Variants in ZFAT observed in about 807,000 individuals in gnomAD.
ZFAT encodes the protein zinc finger protein ZFAT.
In ZFAT, 64 loss-of-function variants were observed where a neutral mutation model predicts 117.7. The observed-to-expected ratio is 0.54, with a 90% confidence interval of 0.44 to 0.67. The LOEUF (loss-of-function observed/expected upper bound fraction) is 0.67. Among genes scored for constraint, ZFAT ranks in the 30% least tolerant of loss-of-function variants. ZFAT has a pLI of 0.00. For synonymous variants in ZFAT, 679 were observed against 615.0 expected (o/e 1.10, Z -1.54); for missense variants, 1,433 against 1,584.5 (o/e 0.90, Z 1.62).
At chr8:134,820,880 T>G in the ZFAT span, among the ~76,000 whole-genome samples, 2 of 152,200 alleles carry the variant, frequency 1.3e-5, no homozygotes, top group South Asian at 4.1e-4. Flanking sequence ...AACACAAGGA[T>G]AGAGACTGTA....
the ZFAT span, among the ~76,000 whole-genome samples, chr8:134,739,025 C>A: frequency 5.9e-5 from 9 of 152,166 alleles, no homozygotes; most frequent in African/African-American, 9.7e-5. Flanking sequence ...TGGCATAGGA[C>A]TCCAGGTGAC....
chr8:134,646,508 AAAG>A (rs1174715509), intron 2 of ZFAT, among the ~76,000 whole-genome samples: 5 of 152,132 alleles, frequency 3.3e-5, no homozygotes, highest in Non-Finnish European at 7.4e-5. Flanking sequence ...GGAATTAGAC[AAAG>A]AAGAATAAAT....
the ZFAT span, among the ~76,000 whole-genome samples, chr8:134,787,803 TA>T: frequency 0.31 from 47,174 of 150,544 alleles, 7,847 homozygotes; most frequent in African/African-American, 0.38. Flanking sequence ...TATTTAGAAT[TA>T]AAAAAAAAAT....
chr8:134,640,342 G>A (rs146172499), intron 2 of ZFAT, among the ~76,000 whole-genome samples: 82 of 152,302 alleles, frequency 5.4e-4, no homozygotes, highest in South Asian at 5.2e-3. Flanking sequence ...AGACTTGGTC[G>A]TCTTGCGGAG....
In ZFAT at chr8:134,615,822, C is replaced by T. The variant is rs544498532; in HGVS notation, c.449-5167G>A. Among the ~76,000 whole-genome samples, 20 of 152,350 alleles carry T rather than the reference C, an allele frequency of 1.3e-4. No homozygotes were observed. The East Asian group carries it at 3.5e-3, about 26-fold the overall frequency. On this transcript the variant is annotated intron_variant, in intron 3 of 15. Transcript: ENST00000377838. ...AAGCTTCAACACTAAACTTTCCAAC[C>T]GATTCAGGCACCATGGTGCCAGGCA...
chr8:134,638,672 A>G (rs945593728), intron 2 of ZFAT, among the ~76,000 whole-genome samples: 3 of 151,586 alleles, frequency 2.0e-5, no homozygotes, highest in African/African-American at 7.3e-5. Flanking sequence ...AGCTTGTAGT[A>G]AGCTGAGATC....
At chr8:134,656,219 C>G (rs373323188) in intron 2 of ZFAT, among the ~76,000 whole-genome samples, 13 of 152,162 alleles carry the variant, frequency 8.5e-5, no homozygotes, top group African/African-American at 2.9e-4. Context: ...GCAAACTTTC[C>G]TCCTCTACCC....
rs117818462 is a variant in ZFAT at position 134,482,675 on chromosome 8, T to C, written c.3493-3954A>G. On this transcript the variant is annotated intron_variant, in intron 15 of 15. Transcript: ENST00000377838. ...CAGGGTTTGTCCAACAGAATCCCCATGAAATTCATCCACTGCTAATTATCA... is the reference window on the plus strand; with the variant it reads ...CAGGGTTTGTCCAACAGAATCCCCACGAAATTCATCCACTGCTAATTATCA... 2.6e-4 allele frequency among the ~76,000 whole-genome samples: 39 copies of C among 152,354 alleles called. No homozygotes were observed. The East Asian group carries it at 7.3e-3, about 29-fold the overall frequency.
At chr8:134,748,995 A>C in the ZFAT span, among the ~76,000 whole-genome samples, 1 of 152,140 alleles carries the variant, frequency 6.6e-6, no homozygotes, top group Non-Finnish European at 1.5e-5. Flanking sequence ...AAAAGAAAAA[A>C]AAGTGCAGCC....
the ZFAT span, among the ~76,000 whole-genome samples, chr8:134,807,494 T>TA: frequency 4.4e-4 from 67 of 152,304 alleles, no homozygotes; most frequent in African/African-American, 1.6e-3. Context: ...TCGCATCCCT[T>TA]AAATCTATTA....
rs954469728 is a variant in ZFAT, at chr8:134,541,198, G to T, written c.2977-8226C>A. ...ATGTAGTATTACTGAGTATTGAGGG[G>T]TATTGAGAGTTTGGGCATTTAAGAC... On this transcript the variant is annotated intron_variant, in intron 11 of 15. Coordinates refer to ENST00000377838, the MANE Select transcript of ZFAT (RefSeq NM_020863.4). 2.0e-5 allele frequency among the ~76,000 whole-genome samples: 3 copies of T among 152,312 alleles called. No individual in the cohort carries two copies. The South Asian group carries it at 6.2e-4, about 32-fold the overall frequency.
intron 1 of ZFAT, among the ~76,000 whole-genome samples, chr8:134,688,453 A>G (rs1296911484): frequency 2.6e-5 from 4 of 152,226 alleles, no homozygotes; most frequent in Non-Finnish European, 5.9e-5. Flanking sequence ...GACAATATAA[A>G]CAACACAGCA....
the ZFAT span, among the ~76,000 whole-genome samples, chr8:134,787,685 T>C: frequency 1.3e-5 from 2 of 152,326 alleles, no homozygotes; most frequent in East Asian, 3.9e-4. Flanking sequence ...ATTTCTTCAG[T>C]TTGTTAATTT....
chr8:134,697,403 C>T (rs547416811), intron 1 of ZFAT, among the ~76,000 whole-genome samples: 25 of 150,940 alleles, frequency 1.7e-4, no homozygotes, highest in Admixed American at 1.3e-3. Context: ...TGAGCCACCG[C>T]GCCCACCTTT....
the ZFAT span, among the ~76,000 whole-genome samples, chr8:134,810,975 C>T: frequency 2.0e-5 from 3 of 151,242 alleles, no homozygotes; most frequent in African/African-American, 4.9e-5. Flanking sequence ...CTGAGTCACT[C>T]GCTACATCTT....
At chr8:134,716,749 T>G (rs879271375), upstream of ZFAT, among the ~76,000 whole-genome samples, 1 of 152,206 alleles carries the variant, frequency 6.6e-6, no homozygotes, top group East Asian at 1.9e-4. Flanking sequence ...TGATAAAAAG[T>G]TAACATTGTA....
chr8:134,722,611 G>C, the ZFAT span, among the ~76,000 whole-genome samples: 2 of 152,200 alleles, frequency 1.3e-5, no homozygotes, highest in East Asian at 1.9e-4. Context: ...CACATGCTGA[G>C]AGCCCACCTC....
chr8:134,717,714 C>G (rs750259298), upstream of ZFAT, among the ~76,000 whole-genome samples: 2 of 151,380 alleles, frequency 1.3e-5, no homozygotes, highest in African/African-American at 2.4e-5. Flanking sequence ...TCTCCATCTC[C>G]TGACCTCGTG....
chr8:134,718,617 G>A, the ZFAT span, among the ~76,000 whole-genome samples: 28 of 152,318 alleles, frequency 1.8e-4, no homozygotes, highest in Non-Finnish European at 3.7e-4. Context: ...TTGGATCCCA[G>A]CAAAGAAACG....
Sources: allele counts gnomAD v4.1 joint callset (sites outside exome capture counted in the v4.1 genomes callset), GRCh38; gene constraint gnomAD v4.1.1; transcripts MANE v1.5; gene names NCBI Gene and HGNC (gene_info 2026-07-23, HGNC 2026-07-21).